PTGER3: variants seen among roughly 807,000 people sequenced by gnomAD.
The protein encoded by PTGER3 is prostaglandin E receptor 3, also known as prostaglandin E2 receptor EP3 subtype.
Under a neutral mutation model 34.7 loss-of-function variants are expected in PTGER3, and 22 were observed. That is an observed-to-expected ratio of 0.63 (90% confidence interval 0.45 to 0.91). The LOEUF (loss-of-function observed/expected upper bound fraction) is 0.91. Among genes scored for constraint, PTGER3 ranks in the 40% least tolerant of loss-of-function variants. The probability of loss-of-function intolerance (pLI) is 0.00; values close to 1 mark genes in which losing one functional copy is unlikely to be tolerated. For synonymous variants in PTGER3, 241 were observed against 230.1 expected (o/e 1.05, Z -0.43); for missense variants, 468 against 519.4 (o/e 0.90, Z 0.96).
At chr1:70,875,687 G>A (rs1271080215) in intron 4 of PTGER3, among the ~76,000 whole-genome samples, 1 of 152,068 alleles carries the variant, frequency 6.6e-6, no homozygotes, top group African/African-American at 2.4e-5. Flanking sequence ...TGTGTACCCA[G>A]TGTTTAGCTC....
intron 2 of PTGER3, among the ~76,000 whole-genome samples, chr1:70,989,132 G>A (rs538565414): frequency 1.3e-4 from 20 of 152,142 alleles, no homozygotes; most frequent in Middle Eastern, 3.4e-3. Context: ...CCCTCCTACC[G>A]GGTTTACAAT....
At chr1:70,996,489 A>C (rs1234506796) in intron 2 of PTGER3, among the ~76,000 whole-genome samples, 1 of 151,872 alleles carries the variant, frequency 6.6e-6, no homozygotes, top group African/African-American at 2.4e-5. Flanking sequence ...GTTTTTGAGA[A>C]GGAGTCTCCC....
downstream of PTGER3, among the ~76,000 whole-genome samples, chr1:70,968,793 A>G (rs886235850): frequency 4.6e-5 from 7 of 151,840 alleles, no homozygotes; most frequent in African/African-American, 1.5e-4. Context: ...CTAATTGGAC[A>G]AAGATATTTC....
intron 2 of PTGER3, among the ~76,000 whole-genome samples, chr1:70,995,667 T>C (rs1243219012): frequency 6.6e-6 from 1 of 152,102 alleles, no homozygotes; most frequent in Non-Finnish European, 1.5e-5. Context: ...TAATTATTTA[T>C]AAAATAGGAA....
At position 70,902,155 on chromosome 1, in the gene PTGER3, A is replaced by T. The variant is rs114502443; in HGVS notation, c.*24-49296T>A. Among the ~76,000 whole-genome samples, 936 of 152,324 alleles carry T rather than the reference A, an allele frequency of 6.1e-3. 12 individuals are homozygous for T. The highest frequency in any genetic ancestry group is 0.022 in the African/African-American group (899 of 41,570). On this transcript the variant is annotated intron_variant, in intron 4 of 4. Transcript: ENST00000370931. ...TCAATTTTTAAAAATAACAATAATTACTGCCACCACAATAATAATAATAAA... is the reference window on the plus strand; with the variant it reads ...TCAATTTTTAAAAATAACAATAATTTCTGCCACCACAATAATAATAATAAA...
chr1:70,970,456 CA>C (rs1158654885), downstream of PTGER3, among the ~76,000 whole-genome samples: 1 of 152,136 alleles, frequency 6.6e-6, no homozygotes, highest in Non-Finnish European at 1.5e-5. Flanking sequence ...ATAGCTAATT[CA>C]CAACTGCTTC....
chr1:70,914,853 C>G (rs1647139162), intron 4 of PTGER3, among the ~76,000 whole-genome samples: 1 of 151,734 alleles, frequency 6.6e-6, no homozygotes, highest in Non-Finnish European at 1.5e-5. Context: ...ACAGGGGGCA[C>G]AGAAAATGGA....
downstream of PTGER3, chr1:70,951,121 T>C (rs1056967444): frequency 2.0e-5 from 3 of 152,346 alleles, no homozygotes; most frequent in Middle Eastern, 3.4e-3. Flanking sequence ...ATCGATTGCA[T>C]GCTTAATTAC....
Position 70,971,705 on chromosome 1 carries a change from T to C in PTGER3, c.*25A>G, listed in dbSNP as rs1042095892. The C allele has an allele frequency of 1.3e-6, 2 of 1,560,508 alleles. No individual in the cohort carries two copies. Among genetic ancestry groups the C allele is most frequent in the Admixed American group, 1.8e-5 (1 of 54,474 alleles). On this transcript the variant is annotated 3_prime_UTR_variant, in exon 4 of 4. Coordinates refer to ENST00000306666, the MANE Select transcript of PTGER3 (RefSeq NM_198719.2). ...AAATTCAGGGAAGCAGGAATTGCAA[T>C]AAAATGTCCAACTCCGTTCTTTCAT...
At chr1:70,986,193 A>T (rs1164558283) in intron 2 of PTGER3, among the ~76,000 whole-genome samples, 2 of 152,152 alleles carry the variant, frequency 1.3e-5, no homozygotes, top group African/African-American at 2.4e-5. Context: ...ATGAATACTC[A>T]GCCCTTTGTT....
chr1:70,934,953 T>C (rs1649064565), intron 4 of PTGER3, among the ~76,000 whole-genome samples: 1 of 152,178 alleles, frequency 6.6e-6, no homozygotes, highest in Non-Finnish European at 1.5e-5. Flanking sequence ...AAACTTTCCC[T>C]TTTGGCCCTT....
intron 4 of PTGER3, among the ~76,000 whole-genome samples, chr1:70,857,660 C>T (rs1645838762): frequency 6.6e-6 from 1 of 151,970 alleles, no homozygotes; most frequent in African/African-American, 2.4e-5. Context: ...CTCAGCCTCC[C>T]GGGTAGCTGG....
intron 1 of PTGER3, among the ~76,000 whole-genome samples, chr1:71,044,477 T>C (rs1178173475): frequency 6.7e-6 from 1 of 150,052 alleles, no homozygotes; most frequent in African/African-American, 2.5e-5. Context: ...TATGATCACA[T>C]GTTTAATTTA....
chr1:70,912,584 G>A (rs1430416151), intron 4 of PTGER3, among the ~76,000 whole-genome samples: 3 of 152,046 alleles, frequency 2.0e-5, no homozygotes, highest in African/African-American at 7.2e-5. Flanking sequence ...CAGAATTTCA[G>A]AGCTGCAAGA....
intron 2 of PTGER3, among the ~76,000 whole-genome samples, chr1:70,961,437 C>T (rs1338972023): frequency 6.6e-6 from 1 of 152,134 alleles, no homozygotes; most frequent in East Asian, 1.9e-4. Context: ...GACCACAGTA[C>T]CCTGCTTTTT....
exon 4 of PTGER3, chr1:70,952,668 A>C (rs1359083261): frequency 6.2e-6 from 7 of 1,129,666 alleles, no homozygotes; most frequent in Non-Finnish European, 7.6e-6. Context: ...ATTCTGAACC[A>C]TGTGCTATTC....
chr1:70,853,863 C>A (rs888929056), intron 4 of PTGER3, among the ~76,000 whole-genome samples: 1 of 152,122 alleles, frequency 6.6e-6, no homozygotes, highest in Non-Finnish European at 1.5e-5. Context: ...CAAAACCATA[C>A]AATGGGCTTA....
chr1:70,949,370 C>T (rs1650523894), downstream of PTGER3, among the ~76,000 whole-genome samples: 1 of 152,134 alleles, frequency 6.6e-6, no homozygotes, highest in Non-Finnish European at 1.5e-5. Flanking sequence ...TAAGCTCCTC[C>T]TCTTAAAGTG....
downstream of PTGER3, among the ~76,000 whole-genome samples, chr1:70,948,144 T>C (rs1444599745): frequency 3.9e-5 from 6 of 152,184 alleles, no homozygotes; most frequent in Middle Eastern, 0.017. Context: ...AAACTAGACA[T>C]GAGCCTTTGA....
Sources: allele counts gnomAD v4.1 joint callset (sites outside exome capture counted in the v4.1 genomes callset), GRCh38; gene constraint gnomAD v4.1.1; transcripts MANE v1.5; gene names NCBI Gene and HGNC (gene_info 2026-07-23, HGNC 2026-07-21).